ALLC: variants seen among roughly 807,000 people sequenced by gnomAD.
The protein encoded by ALLC is probable inactive allantoicase.
A neutral mutation model predicts 45.0 loss-of-function variants in ALLC; 40 were observed. The observed-to-expected ratio is 0.89, with a 90% CI of 0.69 to 1.16. The LOEUF (loss-of-function observed/expected upper bound fraction) is 1.16, where lower values mean the gene tolerates loss of function less well. Among genes scored for constraint, ALLC ranks in the 50% most tolerant of loss-of-function variants. The probability of loss-of-function intolerance (pLI) is 0.00; values close to 1 mark genes in which losing one functional copy is unlikely to be tolerated. For synonymous variants in ALLC, 176 were observed against 178.1 expected, an observed-to-expected ratio of 0.99 and a Z score of 0.09; for missense variants, 488 against 493.1, an observed-to-expected ratio of 0.99 and a Z score of 0.10.
In ALLC at chr2:3,697,621, G is replaced by GTCTGTCTATCTATCTA. The variant is rs1354630765; in HGVS notation, c.850+168_850+169insGTCTATCTATCTATCT. The stretch of plus-strand genomic sequence containing the variant: ...TTAACCCTTAGAACTCTGTCTGTCT[G>GTCTGTCTATCTATCTA]TCTATCTATCTATCTATCTATCTAT... On this transcript the variant is annotated intron_variant, in intron 10 of 11. Transcript: ENST00000252505. Among the ~76,000 whole-genome samples the GTCTGTCTATCTATCTA allele has an allele frequency of 2.4e-3, 303 of 125,436 alleles. 2 individuals carry two copies. The highest frequency in any genetic ancestry group is 7.4e-3 in the African/African-American group (268 of 36,130). 82.3% of individuals were successfully genotyped at this position (125,436 alleles called of 152,430 possible). A position where few individuals can be genotyped will look rare whatever the true frequency, so the allele number is the denominator to read the frequency against.
At position 3,701,495 on chromosome 2, in the gene ALLC, G is replaced by A. The variant is rs780070781; in HGVS notation, c.851-17G>A. On this transcript the variant is annotated splice_polypyrimidine_tract_variant and intron_variant, in intron 10 of 11. Coordinates refer to ENST00000252505, the MANE Select transcript of ALLC (RefSeq NM_018436.4). ...GCAAATGCGGGCAGAAAATCACGCT[G>A]TGTTTTGCTCCAACAGGCAATGCTC... 26 of 1,572,010 alleles carry A rather than the reference G, an allele frequency of 1.7e-5. No individual in the cohort carries two copies. The highest frequency in any genetic ancestry group is 4.6e-5 in the East Asian group (2 of 43,666).
At chr2:3,692,681 C>T (rs1050294729) in intron 7 of ALLC, among the ~76,000 whole-genome samples, 1 of 152,132 alleles carries the variant, frequency 6.6e-6, no homozygotes, top group Admixed American at 6.5e-5. Flanking sequence ...AGGTGTTTGT[C>T]TCTAGGGGAC....
At chr2:3,648,642 G>A in the ALLC span, among the ~76,000 whole-genome samples, 3 of 152,298 alleles carry the variant, frequency 2.0e-5, no homozygotes, top group South Asian at 6.2e-4. Context: ...ATTCCCCTAG[G>A]GCTGCCCACA....
chr2:3,691,580 AT>A (rs923867936), intron 7 of ALLC, among the ~76,000 whole-genome samples: 5 of 151,990 alleles, frequency 3.3e-5, no homozygotes, highest in African/African-American at 9.7e-5. Context: ...GACCTTTAGG[AT>A]TTTTTATATG....
chr2:3,670,392 G>C (rs1461293871), intron 1 of ALLC, among the ~76,000 whole-genome samples: 1 of 152,194 alleles, frequency 6.6e-6, no homozygotes. Context: ...CTTGGCTTAG[G>C]GGCGGGGAGG....
At chr2:3,653,107 A>G in the ALLC span, among the ~76,000 whole-genome samples, 3 of 152,186 alleles carry the variant, frequency 2.0e-5, no homozygotes, top group African/African-American at 7.2e-5. The surrounding 1 kb of genome is among the most constrained non-coding windows in gnomAD (Gnocchi z 4.1). Flanking sequence ...ACATGTCTGC[A>G]GGGTGGCAGC....
chr2:3,665,960 T>C (rs889004689), intron 1 of ALLC, among the ~76,000 whole-genome samples: 2 of 152,230 alleles, frequency 1.3e-5, no homozygotes, highest in African/African-American at 4.8e-5. Flanking sequence ...CTTTTCTCTT[T>C]CTTTTGATCT....
rs144175150 is a variant in ALLC at position 3,659,259 on chromosome 2, T to A, written c.-63+965T>A. ...TCTTGTGCTTCCTAGACTTGCCTGG[T>A]CATGCCTTTTCTTATTTTAAGGCTA... On this transcript the variant is annotated intron_variant, in intron 1 of 11. Transcript: ENST00000252505. Among the ~76,000 whole-genome samples, 26 of 152,302 alleles carry A rather than the reference T, an allele frequency of 1.7e-4. No individual in the cohort carries two copies. In the East Asian group the frequency reaches 5.0e-3, roughly 29 times the overall value.
rs1478239088 is a variant in ALLC, at chr2:3,680,385, T to C, written c.298+391T>C. On this transcript the variant is annotated intron_variant, in intron 5 of 11. Coordinates refer to ENST00000252505, the MANE Select transcript of ALLC (RefSeq NM_018436.4). The surrounding 1 kb of genome is among the most constrained non-coding windows in gnomAD (Gnocchi z 4.0). The stretch of plus-strand genomic sequence containing the variant: ...TGGGGTGAGCAGCACCAGCCCTGCT[T>C]TGGGCTGTCCCAGTGTGTGTGATGG... 2.0e-5 allele frequency among the ~76,000 whole-genome samples: 3 copies of C among 152,132 alleles called. No individual in the cohort carries two copies. Among genetic ancestry groups the C allele is most frequent in the African/African-American group, 7.2e-5 (3 of 41,426 alleles).
rs1667644996 is a variant in ALLC, at chr2:3,695,666, A to G, written c.512-51A>G. On this transcript the variant is annotated intron_variant, in intron 7 of 11. Transcript: ENST00000252505. The stretch of plus-strand genomic sequence containing the variant: ...ACAGGAGGGTCCTGTAGTGTATGAT[A>G]CACAAGCAGCCATTTTTACAAACAA... 8.1e-6 allele frequency: 13 copies of G among 1,609,112 alleles called. No individual in the cohort carries two copies. In the South Asian group the frequency reaches 1.2e-4, roughly 15 times the overall value.
rs1667257932 is a variant in ALLC, at chr2:3,683,732, C to CT, written c.511+663dup. Among the ~76,000 whole-genome samples the CT allele has an allele frequency of 3.9e-5, 6 of 152,228 alleles. No individual in the cohort carries two copies. In the South Asian group the frequency reaches 1.2e-3, roughly 32 times the overall value. On this transcript the variant is annotated intron_variant, in intron 7 of 11. Transcript: ENST00000252505. Reference sequence around the variant, plus strand: ...TGTAACATGTATTAACACTTTCTTTCTTTTTGTGTAAGGCTAATATAGGTT... The same window carrying CT: ...TGTAACATGTATTAACACTTTCTTTCTTTTTTGTGTAAGGCTAATATAGGTT...
chr2:3,674,259 TAGAA>T (rs1212896908), intron 3 of ALLC, 134 bp downstream of exon 3: 1 of 716,314 alleles, frequency 1.4e-6, no homozygotes, highest in Non-Finnish European at 2.4e-6. Flanking sequence ...ATTAGAATGT[TAGAA>T]AGACATGCAA....
upstream of ALLC, among the ~76,000 whole-genome samples, chr2:3,654,707 G>T (rs1666403391): frequency 6.6e-6 from 1 of 152,212 alleles, no homozygotes; most frequent in Non-Finnish European, 1.5e-5. Context: ...CAGGAAACGT[G>T]ACTGTCTTTT....
chr2:3,681,251 C>T (rs1276952252), intron 5 of ALLC, among the ~76,000 whole-genome samples: 1 of 152,168 alleles, frequency 6.6e-6, no homozygotes, highest in Admixed American at 6.5e-5. Context: ...ATGAGTGCTT[C>T]TATTTCTGAA....
chr2:3,661,225 T>G (rs993947539), intron 1 of ALLC, among the ~76,000 whole-genome samples: 35 of 152,190 alleles, frequency 2.3e-4, no homozygotes, highest in Admixed American at 8.5e-4. Flanking sequence ...GGAACAGATA[T>G]GGAGCTATAG....
At position 3,679,946 on chromosome 2, in the gene ALLC, G is replaced by A. The variant is rs748371195; in HGVS notation, c.250G>A (p.Gly84Arg). ...CGACGTGGACGTTTCTTACTTCACG[G>A]GAGATTACGCTCCTCGAGTGTCCAT... ...GFDVDVSYFT[G>R]DYAPRVSIQA... The change falls in exon 5 of 12, where the codon GGA (glycine) becomes AGA (arginine). Residue 84 changes from glycine (G) to arginine (R), a missense_variant. By Grantham distance (125) the Gly-to-Arg change is moderately radical. Coordinates refer to ENST00000252505, the MANE Select transcript of ALLC (RefSeq NM_018436.4). The A allele has an allele frequency of 1.2e-5, 20 of 1,613,854 alleles. No homozygotes were observed. In the African/African-American group the frequency reaches 2.7e-4, roughly 22 times the overall value.
chr2:3,698,657 G>C (rs931693508), intron 10 of ALLC, among the ~76,000 whole-genome samples: 5 of 152,212 alleles, frequency 3.3e-5, no homozygotes, highest in Admixed American at 2.0e-4. Flanking sequence ...CAATTGTTAT[G>C]TGACATTTTA....
At chr2:3,671,611 C>T (rs1666872199) in intron 2 of ALLC, among the ~76,000 whole-genome samples, 1 of 128,294 alleles carries the variant, frequency 7.8e-6, no homozygotes, top group Non-Finnish European at 1.7e-5. Flanking sequence ...ATGGGAGGTC[C>T]TCTGGCTCTG....
chr2:3,695,940 G>A, intron 8 of ALLC, 68 bp downstream of exon 8: 8 of 1,455,722 alleles, frequency 5.5e-6, no homozygotes, highest in Non-Finnish European at 3.7e-6. Flanking sequence ...ACCCCAATAT[G>A]GTCAGAGTGA....
Sources: allele counts gnomAD v4.1 joint callset (sites outside exome capture counted in the v4.1 genomes callset), GRCh38; gene constraint gnomAD v4.1.1; non-coding constraint Gnocchi (gnomAD v3.1); transcripts MANE v1.5; gene names NCBI Gene and HGNC (gene_info 2026-07-23, HGNC 2026-07-21).